The following GPATCH2 variants were observed in gnomAD, a reference collection of about 807,000 sequenced individuals.
GPATCH2 encodes the protein G-patch domain containing 2, also known as G patch domain-containing protein 2.
GPATCH2 carries 51 observed loss-of-function variants against 58.0 expected under a neutral mutation model. The observed-to-expected ratio is 0.88, with a 90% CI of 0.70 to 1.11. The LOEUF is 1.11. GPATCH2 is among the 50% of genes most tolerant of loss of function. The pLI is 0.00. For missense variants in GPATCH2, 625 were observed against 652.2 expected (o/e 0.96, Z 0.45); for synonymous variants, 222 against 218.5 (o/e 1.02, Z -0.14).
intron 8 of GPATCH2, among the ~76,000 whole-genome samples, chr1:217,457,218 CAG>C (rs774853441): frequency 3.5e-4 from 54 of 152,122 alleles, no homozygotes; most frequent in Non-Finnish European, 6.5e-4. Context: ...TGGGATGAGC[CAG>C]AGAGTCAGGA....
intron 5 of GPATCH2, among the ~76,000 whole-genome samples, chr1:217,523,805 G>GA (rs1663621920): frequency 7.6e-6 from 1 of 132,306 alleles, no homozygotes; most frequent in Admixed American, 8.3e-5. Flanking sequence ...GTGGGGGGCT[G>GA]ACCCCCCCAC....
intron 8 of GPATCH2, among the ~76,000 whole-genome samples, chr1:217,483,610 AGGAAACTTCAAAACTGGTTTCCAGAATG>A (rs1661316196): frequency 6.6e-6 from 1 of 152,252 alleles, no homozygotes; most frequent in East Asian, 1.9e-4. Flanking sequence ...TTAACATTTT[AGGAAACTTCAAAACTGGTTTCCAGAATG>A]TAATATAGTA....
chr1:217,621,181 T>C (rs965295570), intron 1 of GPATCH2, among the ~76,000 whole-genome samples: 2 of 152,230 alleles, frequency 1.3e-5, no homozygotes, highest in Admixed American at 6.5e-5. Context: ...AGCATTAAAC[T>C]ATATTACCAG....
At position 217,558,385 on chromosome 1, in the gene GPATCH2, A is replaced by G. The variant is rs566370484; in HGVS notation, c.1099-43496T>C. Among the ~76,000 whole-genome samples the G allele has an allele frequency of 3.3e-5, 5 of 152,316 alleles. No homozygotes were observed. The East Asian group carries it at 7.7e-4, about 23-fold the overall frequency. On this transcript the variant is annotated intron_variant, in intron 5 of 9. Transcript: ENST00000366935. Reference sequence around the variant, plus strand: ...CTTTTACTAACAGGGCTCTTAATCTAACATTAAACAACAATGGAATCAAAC... The same window carrying G: ...CTTTTACTAACAGGGCTCTTAATCTGACATTAAACAACAATGGAATCAAAC...
intron 5 of GPATCH2, among the ~76,000 whole-genome samples, chr1:217,532,022 G>A (rs952280403): frequency 4.6e-5 from 7 of 152,162 alleles, no homozygotes; most frequent in African/African-American, 1.7e-4. Context: ...ATAGGATACT[G>A]TCTATCATAG....
chr1:217,619,703 TAGAA>T lies in GPATCH2; in HGVS notation c.773+76_773+79del, dbSNP rs1028354328. The T allele has an allele frequency of 9.2e-5, 46 of 500,676 alleles. No individual in the cohort carries two copies. In the African/African-American group the frequency reaches 9.2e-4, roughly 10 times the overall value. The allele number at this position is 500,676 out of a possible 1,614,324, so 31.0% of individuals were successfully genotyped here. On this transcript the variant is annotated intron_variant, in intron 2 of 9. Transcript: ENST00000366935. ...ATTACAATTTATAATTATTTTAAAA[TAGAA>T]TTAATTAAAATATAAAACATTCAAC...
chr1:217,516,933 A>G (rs1663188234), intron 5 of GPATCH2, among the ~76,000 whole-genome samples: 1 of 152,248 alleles, frequency 6.6e-6, no homozygotes, highest in Non-Finnish European at 1.5e-5. Context: ...CTGAAATTTA[A>G]TAAATGAAGA....
chr1:217,466,635 T>C (rs184392052), intron 8 of GPATCH2, among the ~76,000 whole-genome samples: 1 of 152,086 alleles, frequency 6.6e-6, no homozygotes, highest in Non-Finnish European at 1.5e-5. Context: ...AACTTCAATA[T>C]TGCTCACAGT....
At chr1:217,625,088 T>C (rs3790732) in intron 1 of GPATCH2, among the ~76,000 whole-genome samples, 20,920 of 152,196 alleles carry the variant, frequency 0.14, 1,593 homozygotes, top group Non-Finnish European at 0.18. Context: ...AGATTTGATA[T>C]GCAAGCTTTA....
chr1:217,560,232 G>A (rs1665856115), intron 5 of GPATCH2, among the ~76,000 whole-genome samples: 1 of 152,304 alleles, frequency 6.6e-6, no homozygotes, highest in East Asian at 1.9e-4. Context: ...TGTACTCCAA[G>A]AGCCTTGCCT....
At chr1:217,453,250 C>T (rs1264899095) in intron 8 of GPATCH2, among the ~76,000 whole-genome samples, 5 of 152,158 alleles carry the variant, frequency 3.3e-5, no homozygotes, top group Non-Finnish European at 7.3e-5. Context: ...GTCCTAGGAA[C>T]AGACCCAAAG....
chr1:217,441,997 T>C (rs2102539619), intron 9 of GPATCH2, among the ~76,000 whole-genome samples: 1 of 152,298 alleles, frequency 6.6e-6, no homozygotes, highest in Non-Finnish European at 1.5e-5. Context: ...ACTGGGTATA[T>C]ATCCAAAGGA....
chr1:217,596,336 A>T (rs1667826868), intron 5 of GPATCH2, among the ~76,000 whole-genome samples: 1 of 152,192 alleles, frequency 6.6e-6, no homozygotes, highest in Non-Finnish European at 1.5e-5. Context: ...TACCCTTACA[A>T]GGAATTCTGT....
At chr1:217,536,462 T>C (rs968130385) in intron 5 of GPATCH2, among the ~76,000 whole-genome samples, 1 of 152,220 alleles carries the variant, frequency 6.6e-6, no homozygotes, top group Non-Finnish European at 1.5e-5. Context: ...TTCAAACTGA[T>C]ACTCTCCATT....
At chr1:217,611,303 A>T (rs1466978004) in intron 3 of GPATCH2, among the ~76,000 whole-genome samples, 1 of 152,186 alleles carries the variant, frequency 6.6e-6, no homozygotes, top group African/African-American at 2.4e-5. Flanking sequence ...ATTTACCTAC[A>T]ATTTAAATGT....
chr1:217,443,818 GCA>G (rs1405190814), intron 9 of GPATCH2, among the ~76,000 whole-genome samples: 4 of 152,026 alleles, frequency 2.6e-5, no homozygotes, highest in African/African-American at 4.8e-5. Context: ...TCAGTGATTT[GCA>G]CAGTTTTTAA....
At chr1:217,561,805 C>T (rs1264280195) in intron 5 of GPATCH2, among the ~76,000 whole-genome samples, 2 of 152,166 alleles carry the variant, frequency 1.3e-5, no homozygotes, top group Admixed American at 1.3e-4. Flanking sequence ...AGCTCACAGA[C>T]ACTCTCCTCT....
At chr1:217,527,905 A>G (rs752225359) in intron 5 of GPATCH2, among the ~76,000 whole-genome samples, 3 of 152,242 alleles carry the variant, frequency 2.0e-5, no homozygotes, top group Non-Finnish European at 2.9e-5. Flanking sequence ...ATAAAACTAT[A>G]TAAAGATTAA....
In GPATCH2 at chr1:217,624,236, G is replaced by A. The variant is rs575306212; in HGVS notation, c.57-3737C>T. On this transcript the variant is annotated intron_variant, in intron 1 of 9. Transcript: ENST00000366935. ...ACATCCCTCAGTTAAAACTGGCATC[G>A]GCAGGGCACAGTGTCTCACGCCTGT... 7.9e-5 allele frequency among the ~76,000 whole-genome samples: 12 copies of A among 152,182 alleles called. No individual in the cohort carries two copies. The East Asian group carries it at 1.2e-3, about 15-fold the overall frequency.
Sources: allele counts gnomAD v4.1 joint callset (sites outside exome capture counted in the v4.1 genomes callset), GRCh38; gene constraint gnomAD v4.1.1; transcripts MANE v1.5; gene names NCBI Gene and HGNC (gene_info 2026-07-23, HGNC 2026-07-21).